LSAMP: variants seen among roughly 807,000 people sequenced by gnomAD.
LSAMP encodes the protein limbic system associated membrane protein.
In LSAMP, 7 loss-of-function variants were observed where a neutral mutation model predicts 38.6. The observed-to-expected ratio is 0.18, with a 90% CI of 0.10 to 0.34. The LOEUF (loss-of-function observed/expected upper bound fraction) is 0.34. Among genes scored for constraint, LSAMP ranks in the 10% least tolerant of loss-of-function variants. The probability of loss-of-function intolerance (pLI) is 1.00; values close to 1 mark genes in which losing one functional copy is unlikely to be tolerated. For missense variants in LSAMP, 313 were observed against 420.0 expected (o/e 0.75, Z 2.23); for synonymous variants, 154 against 166.8 (o/e 0.92, Z 0.59).
intron 1 of LSAMP, among the ~76,000 whole-genome samples, chr3:116,213,996 T>C (rs974599378): frequency 6.6e-6 from 1 of 152,220 alleles, no homozygotes; most frequent in Non-Finnish European, 1.5e-5. Flanking sequence ...GTACTGTACC[T>C]ATAGTGAAGG....
chr3:115,853,696 A>C (rs1935405740), intron 3 of LSAMP, among the ~76,000 whole-genome samples: 2 of 152,212 alleles, frequency 1.3e-5, no homozygotes, highest in African/African-American at 2.4e-5. Context: ...GGAAGAGCCT[A>C]GCCAGAGCTT....
intron 1 of LSAMP, among the ~76,000 whole-genome samples, chr3:116,357,083 G>A (rs1006250003): frequency 2.0e-5 from 3 of 152,268 alleles, no homozygotes; most frequent in South Asian, 2.1e-4. Context: ...GTGAGCCATC[G>A]CGCCCGGCTA....
intron 3 of LSAMP, among the ~76,000 whole-genome samples, chr3:115,915,438 T>C (rs1321808779): frequency 6.6e-6 from 1 of 152,184 alleles, no homozygotes. Context: ...TCCTTTTTTA[T>C]AGATGGGAAA....
intron 1 of LSAMP, among the ~76,000 whole-genome samples, chr3:116,109,288 G>A (rs1179175349): frequency 2.6e-5 from 4 of 152,194 alleles, no homozygotes; most frequent in Non-Finnish European, 4.4e-5. Flanking sequence ...CAGGTGTGAG[G>A]AGGGGAGGCA....
intron 3 of LSAMP, among the ~76,000 whole-genome samples, chr3:115,938,559 C>T (rs890108620): frequency 6.6e-6 from 1 of 152,034 alleles, no homozygotes; most frequent in Non-Finnish European, 1.5e-5. Flanking sequence ...TTTAACTAAG[C>T]AAAATACCAA....
chr3:116,121,047 T>C (rs1363010530), intron 1 of LSAMP, among the ~76,000 whole-genome samples: 3 of 152,224 alleles, frequency 2.0e-5, no homozygotes, highest in Non-Finnish European at 4.4e-5. Context: ...GGCAATGTGA[T>C]GGCTTAGAGT....
chr3:116,086,634 C>T (rs1415501504), intron 1 of LSAMP, 78 bp from the exon 2 acceptor site: 1 of 1,032,856 alleles, frequency 9.7e-7, no homozygotes, highest in Non-Finnish European at 1.5e-6. Flanking sequence ...TCAGACTCAA[C>T]AAGTCTAAAC....
chr3:115,817,539 T>C (rs545063162), intron 6 of LSAMP, among the ~76,000 whole-genome samples: 1 of 152,310 alleles, frequency 6.6e-6, no homozygotes, highest in African/African-American at 2.4e-5. Flanking sequence ...CTTTGTCAAG[T>C]AAACCACAAT....
At chr3:116,427,736 C>T (rs1025805794) in intron 1 of LSAMP, among the ~76,000 whole-genome samples, 1 of 152,140 alleles carries the variant, frequency 6.6e-6, no homozygotes, top group African/African-American at 2.4e-5. Context: ...CCTGTAAATC[C>T]ACTTCTGTTG....
At chr3:116,319,503 T>C (rs2107727908) in intron 1 of LSAMP, among the ~76,000 whole-genome samples, 1 of 152,356 alleles carries the variant, frequency 6.6e-6, no homozygotes, top group South Asian at 2.1e-4. Context: ...TTTAGTCACC[T>C]AGCTAATACA....
At chr3:116,418,207 C>T (rs879695816) in intron 1 of LSAMP, among the ~76,000 whole-genome samples, 36 of 152,156 alleles carry the variant, frequency 2.4e-4, no homozygotes, top group Non-Finnish European at 1.6e-4. Flanking sequence ...TTCCACTATA[C>T]CGCAAACCTT....
At chr3:115,826,063 G>A (rs1052592696) in intron 6 of LSAMP, among the ~76,000 whole-genome samples, 1 of 151,864 alleles carries the variant, frequency 6.6e-6, no homozygotes, top group Non-Finnish European at 1.5e-5. Flanking sequence ...GCAGGTAGTG[G>A]GTTGTCGTTC....
intron 3 of LSAMP, among the ~76,000 whole-genome samples, chr3:116,011,906 C>G (rs1337303077): frequency 1.3e-5 from 2 of 152,160 alleles, no homozygotes; most frequent in African/African-American, 4.8e-5. Context: ...TTCATGAGAC[C>G]TGAGATTGTC....
chr3:116,315,695 A>G (rs1422660408), intron 1 of LSAMP, among the ~76,000 whole-genome samples: 2 of 152,228 alleles, frequency 1.3e-5, no homozygotes, highest in African/African-American at 2.4e-5. Context: ...ATAAAGTGAT[A>G]TCTTTATCTA....
chr3:116,112,523 C>A (rs1321456581), intron 1 of LSAMP, among the ~76,000 whole-genome samples: 3 of 152,158 alleles, frequency 2.0e-5, no homozygotes, highest in Admixed American at 1.3e-4. Flanking sequence ...ATTCATTTAA[C>A]AATCAGATGT....
rs569963914 is a variant in LSAMP, at chr3:116,197,383, A to T, written c.156-110827T>A. Among the ~76,000 whole-genome samples, 310 of 152,318 alleles carry T rather than the reference A, an allele frequency of 2.0e-3. 2 individuals carry two copies. The highest frequency in any genetic ancestry group is 4.1e-3 in the Admixed American group (63 of 15,294). ...AGCCAGCTGCTTCAAGATGCAGACA[A>T]CATCATCTTTTTTTTTAAACTATAG... On this transcript the variant is annotated intron_variant, in intron 1 of 6. Coordinates refer to ENST00000490035, the MANE Select transcript of LSAMP (RefSeq NM_002338.5).
At chr3:116,176,275 A>G (rs1215697249) in intron 1 of LSAMP, among the ~76,000 whole-genome samples, 3 of 152,164 alleles carry the variant, frequency 2.0e-5, no homozygotes. Flanking sequence ...CTCTGCTATC[A>G]AAAGAGGTAG....
At chr3:116,298,827 T>A (rs1188682950) in intron 1 of LSAMP, among the ~76,000 whole-genome samples, 1 of 152,144 alleles carries the variant, frequency 6.6e-6, no homozygotes, top group Non-Finnish European at 1.5e-5. Context: ...ATTTAGAGTT[T>A]CTGCTTCTGT....
intron 1 of LSAMP, among the ~76,000 whole-genome samples, chr3:116,219,147 C>A (rs2046253905): frequency 6.6e-6 from 1 of 152,136 alleles, no homozygotes. Flanking sequence ...AACAACCACC[C>A]TTTGATTCTG....
Sources: allele counts gnomAD v4.1 joint callset (sites outside exome capture counted in the v4.1 genomes callset), GRCh38; gene constraint gnomAD v4.1.1; transcripts MANE v1.5; gene names NCBI Gene and HGNC (gene_info 2026-07-23, HGNC 2026-07-21).